The following SEMA3C variants were observed in gnomAD, a reference collection of about 807,000 sequenced individuals.
SEMA3C encodes semaphorin 3C.
In SEMA3C, 47 loss-of-function variants were observed where a neutral mutation model predicts 89.4. The observed-to-expected ratio is 0.53, with a 90% CI of 0.42 to 0.67. SEMA3C has a LOEUF of 0.67. Ranked by LOEUF, SEMA3C falls within the 30% of genes least tolerant of loss-of-function variation. The pLI, the probability that SEMA3C is intolerant of heterozygous loss-of-function variation, is 0.00. For missense variants in SEMA3C, 839 were observed against 929.1 expected (o/e 0.90, Z 1.26); for synonymous variants, 310 against 320.2 (o/e 0.97, Z 0.34).
chr7:80,761,684 G>A, intron 13 of SEMA3C, 27 bp from the exon 14 acceptor site: 1 of 1,254,496 alleles, frequency 8.0e-7, no homozygotes. Flanking sequence ...CAACATGTTA[G>A]TTGCTCAAAT....
intron 2 of SEMA3C, among the ~76,000 whole-genome samples, chr7:80,872,644 T>C (rs958279801): frequency 3.3e-5 from 5 of 150,984 alleles, no homozygotes; most frequent in East Asian, 2.0e-4. Flanking sequence ...CTACTAAAAA[T>C]AGAAAAATTA....
At chr7:80,821,427 T>TG (rs1162481497) in intron 4 of SEMA3C, among the ~76,000 whole-genome samples, 109 of 152,234 alleles carry the variant, frequency 7.2e-4, no homozygotes, top group African/African-American at 1.8e-3. Flanking sequence ...TGTTTTTTTT[T>TG]GGGGGGGTGG....
chr7:80,771,916 A>G (rs1562868247), intron 12 of SEMA3C, among the ~76,000 whole-genome samples: 1 of 152,162 alleles, frequency 6.6e-6, no homozygotes, highest in Admixed American at 6.6e-5. Context: ...GCAGCCCCGT[A>G]CACGATATTA....
intron 13 of SEMA3C, among the ~76,000 whole-genome samples, chr7:80,763,018 AT>A (rs1244674568): frequency 6.6e-6 from 1 of 152,194 alleles, no homozygotes; most frequent in Non-Finnish European, 1.5e-5. Flanking sequence ...ATCATCCCTT[AT>A]AAATATGTAC....
chr7:80,875,667 C>T (rs1791183293), intron 2 of SEMA3C, among the ~76,000 whole-genome samples: 1 of 151,940 alleles, frequency 6.6e-6, no homozygotes, highest in Non-Finnish European at 1.5e-5. Flanking sequence ...ATCCACTACC[C>T]GCCTATTACT....
intron 10 of SEMA3C, among the ~76,000 whole-genome samples, chr7:80,799,731 G>A (rs1003455651): frequency 2.6e-5 from 4 of 151,998 alleles, no homozygotes; most frequent in Non-Finnish European, 4.4e-5. Context: ...GCACATGCCT[G>A]TAATCCCAGC....
chr7:80,783,473 G>T (rs549706605), intron 12 of SEMA3C, among the ~76,000 whole-genome samples: 1 of 152,156 alleles, frequency 6.6e-6, no homozygotes, highest in South Asian at 2.1e-4. Flanking sequence ...GACCCACGAT[G>T]TTATTAAAAA....
intron 2 of SEMA3C, among the ~76,000 whole-genome samples, chr7:80,912,989 G>C (rs988011249): frequency 6.6e-6 from 1 of 152,138 alleles, no homozygotes; most frequent in Non-Finnish European, 1.5e-5. Flanking sequence ...GATTTTAAAA[G>C]ATGTTTTATA....
At chr7:80,785,874 C>T (rs112411859) in intron 12 of SEMA3C, among the ~76,000 whole-genome samples, 2,065 of 152,348 alleles carry the variant, frequency 0.014, 56 homozygotes, top group African/African-American at 0.046. Flanking sequence ...TCCCAAAGTG[C>T]TGGGATTACA....
At chr7:80,874,306 CT>C (rs1791145514) in intron 2 of SEMA3C, among the ~76,000 whole-genome samples, 1 of 152,240 alleles carries the variant, frequency 6.6e-6, no homozygotes, top group African/African-American at 2.4e-5. Context: ...ATGGTCTAGG[CT>C]TTCAAAGTCC....
rs56316322 is a variant in SEMA3C, at chr7:80,874,447, GTTATTTAT to G, written c.103+42224_103+42231del. On this transcript the variant is annotated intron_variant, in intron 2 of 17. Transcript: ENST00000265361. ...TGCATTATTTAAAAGACCATAGCAA[GTTATTTAT>G]TTATTTATTTATTTATTTATTTATT... Among the ~76,000 whole-genome samples the G allele has an allele frequency of 3.1e-3, 461 of 146,610 alleles. 2 individuals are homozygous for G. Among genetic ancestry groups the G allele is most frequent in the African/African-American group, 1.0e-2 (398 of 39,912 alleles).
chr7:80,825,610 T>A (rs1179615552), intron 4 of SEMA3C, among the ~76,000 whole-genome samples: 1 of 152,126 alleles, frequency 6.6e-6, no homozygotes, highest in Non-Finnish European at 1.5e-5. Context: ...CGGCAGCAAT[T>A]TTTGGAAATA....
chr7:80,771,415 A>AT (rs1788429658), intron 12 of SEMA3C, among the ~76,000 whole-genome samples: 1 of 152,134 alleles, frequency 6.6e-6, no homozygotes, highest in Non-Finnish European at 1.5e-5. Context: ...AGATATTTTT[A>AT]TTTTCTTTTG....
intron 2 of SEMA3C, among the ~76,000 whole-genome samples, chr7:80,909,154 C>G (rs1221989021): frequency 6.6e-6 from 1 of 152,086 alleles, no homozygotes; most frequent in Non-Finnish European, 1.5e-5. Context: ...ATAATTAATT[C>G]TATCTGTAGA....
chr7:80,870,139 C>T (rs1791021644), intron 2 of SEMA3C, among the ~76,000 whole-genome samples: 3 of 152,156 alleles, frequency 2.0e-5, no homozygotes, highest in Non-Finnish European at 4.4e-5. Flanking sequence ...TTACTGTGTG[C>T]TACATGAGCA....
At chr7:80,881,542 T>C (rs1018740665) in intron 2 of SEMA3C, among the ~76,000 whole-genome samples, 7 of 152,166 alleles carry the variant, frequency 4.6e-5, no homozygotes, top group African/African-American at 1.7e-4. Context: ...TGTAAGTGAT[T>C]TTACATGTGT....
chr7:80,784,183 G>A (rs556689238), intron 12 of SEMA3C, among the ~76,000 whole-genome samples: 2 of 151,944 alleles, frequency 1.3e-5, no homozygotes, highest in Non-Finnish European at 2.9e-5. Context: ...CAAACAGCCT[G>A]GATGTAAGCA....
Position 80,748,976 on chromosome 7 carries a change from A to G in SEMA3C, c.1764T>C (p.Thr588=). 6.2e-7 allele frequency: 1 copy of G among 1,613,466 alleles called. No homozygotes were observed. Among genetic ancestry groups the G allele is most frequent in the Non-Finnish European group, 8.5e-7 (1 of 1,179,630 alleles). ...GAGACTTGGGGGCACACTCCAGAAA[A>G]GTGGTGTTATTTTTTACTCCATACT... ...IVQYGVKNNT[T]FLECAPKSPQ... The change falls in exon 17 of 18, where the codon ACT becomes ACC. Residue 588 remains threonine (T), a synonymous_variant. Coordinates refer to ENST00000265361, the MANE Select transcript of SEMA3C (RefSeq NM_006379.5).
intron 5 of SEMA3C, among the ~76,000 whole-genome samples, chr7:80,811,167 A>C (rs973475157): frequency 6.6e-6 from 1 of 152,174 alleles, no homozygotes; most frequent in African/African-American, 2.4e-5. Flanking sequence ...AAGATTCAAC[A>C]AAATAATTCA....
Sources: allele counts gnomAD v4.1 joint callset (sites outside exome capture counted in the v4.1 genomes callset), GRCh38; gene constraint gnomAD v4.1.1; transcripts MANE v1.5; gene names NCBI Gene and HGNC (gene_info 2026-07-23, HGNC 2026-07-21).